Variants in GRHL2 observed in about 807,000 individuals in gnomAD.
GRHL2 encodes the protein grainyhead-like protein 2 homolog.
GRHL2 carries 21 observed loss-of-function variants against 83.8 expected under a neutral mutation model. The observed-to-expected ratio is 0.25, with a 90% CI of 0.18 to 0.36. The LOEUF (loss-of-function observed/expected upper bound fraction) is 0.36. GRHL2 is among the 10% of genes least tolerant of loss of function. The pLI is 1.00. For synonymous variants in GRHL2, 280 were observed against 278.9 expected (o/e 1.00, Z -0.04); for missense variants, 623 against 781.8 (o/e 0.80, Z 2.42).
At chr8:101,591,555 A>G (rs1221505659) in intron 7 of GRHL2, among the ~76,000 whole-genome samples, 1 of 152,204 alleles carries the variant, frequency 6.6e-6, no homozygotes. Context: ...TATGATCCCA[A>G]TATCTGCTGA....
rs10096302 is a variant in GRHL2, at chr8:101,511,743, A to G, written c.20+18954A>G. 6.4e-3 allele frequency among the ~76,000 whole-genome samples: 969 copies of G among 152,020 alleles called. 11 individuals are homozygous for G. The highest frequency in any genetic ancestry group is 0.022 in the African/African-American group (894 of 41,480). On this transcript the variant is annotated intron_variant, in intron 1 of 15. Transcript: ENST00000646743. ...TCTGCTCTAAAATTAAATACAGACA[A>G]CTTTTCCCCCAAGCAAATTTCTCCT... is the stretch of plus-strand genomic sequence containing the variant.
At chr8:101,653,191 A>C (rs1813708757) in intron 14 of GRHL2, among the ~76,000 whole-genome samples, 1 of 152,078 alleles carries the variant, frequency 6.6e-6, no homozygotes, top group African/African-American at 2.4e-5. Context: ...AGGCAATGTG[A>C]CCCTGGCCCC....
intron 2 of GRHL2, among the ~76,000 whole-genome samples, chr8:101,545,501 G>A (rs1441017618): frequency 7.1e-6 from 1 of 141,744 alleles, no homozygotes; most frequent in Non-Finnish European, 1.5e-5. Context: ...TTTCATGGTA[G>A]GCTTTTTATT....
At chr8:101,652,585 T>TGTTTGTGTG (rs1563627629) in intron 14 of GRHL2, among the ~76,000 whole-genome samples, 1 of 82,964 alleles carries the variant, frequency 1.2e-5, no homozygotes, top group African/African-American at 6.5e-5. Flanking sequence ...GTGTGTGTGG[T>TGTTTGTGTG]GTCTGTGTGT....
At chr8:101,661,584 T>A (rs1204591121) in intron 14 of GRHL2, among the ~76,000 whole-genome samples, 2 of 152,234 alleles carry the variant, frequency 1.3e-5, no homozygotes, top group African/African-American at 4.8e-5. Context: ...ATTGTTTTGA[T>A]TCATATTACT....
intron 3 of GRHL2, among the ~76,000 whole-genome samples, chr8:101,554,196 C>T (rs7015376): frequency 0.1 from 15,156 of 152,206 alleles, 1,043 homozygotes; most frequent in African/African-American, 0.19. Context: ...AACATGAAGG[C>T]TGCCTGCATC....
At chr8:101,616,386 G>T (rs1413363891) in intron 8 of GRHL2, among the ~76,000 whole-genome samples, 1 of 152,140 alleles carries the variant, frequency 6.6e-6, no homozygotes, top group East Asian at 1.9e-4. Flanking sequence ...GGCCGGGCTG[G>T]TCTCGAACTC....
intron 1 of GRHL2, among the ~76,000 whole-genome samples, chr8:101,512,781 C>T (rs564249195): frequency 2.0e-5 from 3 of 152,120 alleles, no homozygotes; most frequent in Admixed American, 6.5e-5. Context: ...ATAATGGTGC[C>T]GTTGGTTTCT....
intron 1 of GRHL2, among the ~76,000 whole-genome samples, chr8:101,499,853 A>G (rs555946652): frequency 2.0e-5 from 3 of 152,250 alleles, no homozygotes; most frequent in Non-Finnish European, 4.4e-5. Context: ...CGAGGCAGGC[A>G]GATCATGAGG....
chr8:101,656,534 C>T (rs1273105965), intron 14 of GRHL2, among the ~76,000 whole-genome samples: 1 of 152,190 alleles, frequency 6.6e-6, no homozygotes, highest in Non-Finnish European at 1.5e-5. Flanking sequence ...GAAGGATAAA[C>T]ATTCCCATTC....
chr8:101,674,612 C>T (rs879658952), downstream of GRHL2, among the ~76,000 whole-genome samples: 25 of 152,076 alleles, frequency 1.6e-4, no homozygotes, highest in African/African-American at 5.1e-4. Flanking sequence ...GATTCATAGC[C>T]GAATTCTACC....
In GRHL2 at chr8:101,629,509, T is replaced by C. The variant is rs150131512; in HGVS notation, c.1258-2128T>C. Among the ~76,000 whole-genome samples the C allele has an allele frequency of 8.4e-3, 1,277 of 152,222 alleles. 24 individuals are homozygous for C. Among genetic ancestry groups the C allele is most frequent in the African/African-American group, 0.029 (1,225 of 41,560 alleles). ...ACCCACAGTACCTCTGAGGTATGCTTGTATATAAATCTTGAAACAGATTAA... is the reference window on the plus strand; with the variant it reads ...ACCCACAGTACCTCTGAGGTATGCTCGTATATAAATCTTGAAACAGATTAA... On this transcript the variant is annotated intron_variant, in intron 9 of 15. Coordinates refer to ENST00000646743, the MANE Select transcript of GRHL2 (RefSeq NM_024915.4).
Position 101,492,558 on chromosome 8 carries a change from GC to G in GRHL2, c.-205del, listed in dbSNP as rs747081224. ...TCCGAGCTCGGGCCCCATGTGAGGG[GC>G]CCCCCCTTATCCCACCTTTCCGGCT... is the stretch of plus-strand genomic sequence containing the variant. On this transcript the variant is annotated 5_prime_UTR_variant, in exon 1 of 16. Transcript: ENST00000646743. The G allele has an allele frequency of 1.5e-4, 98 of 653,986 alleles. No individual in the cohort carries two copies. Among genetic ancestry groups the G allele is most frequent in the Middle Eastern group, 4.1e-4 (1 of 2,468 alleles). The allele number at this position is 653,986 out of a possible 1,614,324, so 40.5% of individuals were successfully genotyped here. A position where few individuals can be genotyped will look rare whatever the true frequency, so the allele number is the denominator to read the frequency against.
chr8:101,543,909 C>G (rs1487956087), intron 2 of GRHL2: 1 of 206,410 alleles, frequency 4.8e-6, no homozygotes, highest in East Asian at 1.4e-4. Context: ...TGGCAGGAAG[C>G]AAAAGGCACT....
intron 1 of GRHL2, among the ~76,000 whole-genome samples, chr8:101,538,486 C>T (rs1811089323): frequency 6.6e-6 from 1 of 152,270 alleles, no homozygotes; most frequent in East Asian, 1.9e-4. Flanking sequence ...GCTGTGATTG[C>T]TCTGGCGATC....
At chr8:101,674,714 C>T (rs1021267589), downstream of GRHL2, among the ~76,000 whole-genome samples, 5 of 152,116 alleles carry the variant, frequency 3.3e-5, no homozygotes, top group African/African-American at 1.2e-4. Context: ...TTTATGAGGC[C>T]AGCATCATCC....
intron 4 of GRHL2, 54 bp from the exon 5 acceptor site, chr8:101,570,285 T>A (rs1418997913): frequency 7.8e-7 from 1 of 1,274,464 alleles, no homozygotes; most frequent in African/African-American, 1.5e-5. Context: ...TTATTATCAT[T>A]TTTGCATAAT....
chr8:101,658,893 C>T (rs574385582), intron 14 of GRHL2, among the ~76,000 whole-genome samples: 12 of 152,280 alleles, frequency 7.9e-5, no homozygotes, highest in East Asian at 5.8e-4. Flanking sequence ...TATAGGACTT[C>T]CGAGTATGCA....
rs916350712 is a variant in GRHL2 at position 101,492,619 on chromosome 8, G to C, written c.-151G>C. 3 of 759,196 alleles carry C rather than the reference G, an allele frequency of 4.0e-6. No individual in the cohort carries two copies. The African/African-American group carries it at 5.1e-5, about 13-fold the overall frequency. 47.0% of individuals were successfully genotyped at this position (759,196 alleles called of 1,614,324 possible). On this transcript the variant is annotated 5_prime_UTR_variant, in exon 1 of 16. Transcript: ENST00000646743. ...CGCGAGCGGGCGAGCGAGCGAGAGT[G>C]GTGAGGGGGGACGGAAAAGCAGAAT...
Sources: gnomAD v4.1 joint callset for allele counts (sites outside exome capture counted in the v4.1 genomes callset) on GRCh38, gnomAD v4.1.1 for gene constraint, MANE v1.5 for transcripts, NCBI Gene and HGNC (gene_info 2026-07-23, HGNC 2026-07-21) for gene names.